Variants in PAH observed in about 807,000 individuals in gnomAD.
PAH encodes phenylalanine hydroxylase.
Under a neutral mutation model 62.0 loss-of-function variants are expected in PAH, and 64 were observed. The ratio of observed to expected loss-of-function variants is 1.03; its 90% CI spans 0.84 to 1.27. The LOEUF is 1.27. Among genes scored for constraint, PAH ranks in the 50% most tolerant of loss-of-function variants. The pLI is 0.00. For synonymous variants in PAH, 195 were observed against 196.2 expected (o/e 0.99, Z 0.05); for missense variants, 579 against 542.8 (o/e 1.07, Z -0.66).
intron 1 of PAH, among the ~76,000 whole-genome samples, chr12:102,956,633 C>G (rs1879920947): frequency 1.3e-5 from 2 of 152,166 alleles, no homozygotes; most frequent in South Asian, 4.1e-4. Flanking sequence ...CGCCCCGCAT[C>G]TTTCTTCTCC....
chr12:102,951,701 T>TCACGTC (rs1879767162), upstream of PAH, among the ~76,000 whole-genome samples: 1 of 152,118 alleles, frequency 6.6e-6, no homozygotes, highest in South Asian at 2.1e-4. Flanking sequence ...ATCCGGTCAC[T>TCACGTC]CACGTCCACG....
At chr12:102,903,463 C>T (rs1877848845) in intron 2 of PAH, among the ~76,000 whole-genome samples, 1 of 152,052 alleles carries the variant, frequency 6.6e-6, no homozygotes, top group Admixed American at 6.5e-5. Flanking sequence ...GCCACAACCT[C>T]TGTGATCATT....
chr12:102,848,470 G>A (rs112097627), intron 8 of PAH, among the ~76,000 whole-genome samples: 3 of 93,946 alleles, frequency 3.2e-5, no homozygotes, highest in Admixed American at 1.2e-4. Context: ...AGAGGTGGAG[G>A]GTAGACAGGA....
At chr12:102,865,035 C>G (rs1875895807) in intron 5 of PAH, among the ~76,000 whole-genome samples, 1 of 152,078 alleles carries the variant, frequency 6.6e-6, no homozygotes, top group Admixed American at 6.6e-5. Context: ...GAGAAATTGA[C>G]TAAAAAATTT....
intron 2 of PAH, among the ~76,000 whole-genome samples, chr12:102,911,332 C>T (rs1878195027): frequency 6.6e-6 from 1 of 152,210 alleles, no homozygotes; most frequent in Admixed American, 6.5e-5. Context: ...TTTCATTTTG[C>T]ACTGCGCCCT....
intron 3 of PAH, among the ~76,000 whole-genome samples, chr12:102,883,392 G>A (rs983522907): frequency 4.6e-5 from 7 of 152,184 alleles, no homozygotes; most frequent in African/African-American, 9.6e-5. Flanking sequence ...CTCAGCGAAC[G>A]CCAGAGGGCA....
chr12:102,845,635 G>A (rs1565843306), intron 9 of PAH, among the ~76,000 whole-genome samples: 2 of 152,172 alleles, frequency 1.3e-5, no homozygotes, highest in Non-Finnish European at 2.9e-5. Flanking sequence ...GACAGTCACA[G>A]TTTTGGAGAA....
intron 1 of PAH, among the ~76,000 whole-genome samples, chr12:102,929,047 A>T (rs555330449): frequency 3.7e-4 from 57 of 152,226 alleles, no homozygotes; most frequent in African/African-American, 1.4e-3. Flanking sequence ...GTTTTATAAA[A>T]GGCTTTTTTC....
chr12:102,897,492 T>TATATATATATATATATATAA (rs1379613102), intron 2 of PAH, among the ~76,000 whole-genome samples: 173 of 137,314 alleles, frequency 1.3e-3, no homozygotes, highest in African/African-American at 5.3e-3. Flanking sequence ...TATATATATA[T>TATATATATATATATATATAA]AATTCAAACT....
chr12:102,908,536 T>C (rs890364538), intron 2 of PAH, among the ~76,000 whole-genome samples: 5 of 152,210 alleles, frequency 3.3e-5, no homozygotes, highest in Admixed American at 6.5e-5. Context: ...CACTCAGACA[T>C]ACATTCTCCT....
rs1406208042 is a variant in PAH at position 102,885,859 on chromosome 12, A to G, written c.353-8309T>C. On this transcript the variant is annotated intron_variant, in intron 3 of 12. Coordinates refer to ENST00000553106, the MANE Select transcript of PAH (RefSeq NM_000277.3). ...GGCTTGCCTCCAGCCTGTCTCAGAGAGAGCAATAAATCCTGGTTTCTTGGG... is the reference window on the plus strand; with the variant it reads ...GGCTTGCCTCCAGCCTGTCTCAGAGGGAGCAATAAATCCTGGTTTCTTGGG... Among the ~76,000 whole-genome samples the G allele has an allele frequency of 2.0e-5, 3 of 152,170 alleles. No individual in the cohort carries two copies. The East Asian group carries it at 5.8e-4, about 29-fold the overall frequency.
At chr12:102,874,616 A>G (rs1876485364) in intron 4 of PAH, among the ~76,000 whole-genome samples, 1 of 152,244 alleles carries the variant, frequency 6.6e-6, no homozygotes, top group Admixed American at 6.5e-5. Flanking sequence ...CTCAAGAAGC[A>G]TTAGCTCCTA....
chr12:102,907,185 G>A (rs1400518471), intron 2 of PAH, among the ~76,000 whole-genome samples: 1 of 152,154 alleles, frequency 6.6e-6, no homozygotes, highest in Non-Finnish European at 1.5e-5. Context: ...GCATTTAAAT[G>A]CATTTTTCAA....
intron 2 of PAH, among the ~76,000 whole-genome samples, chr12:102,905,845 C>G (rs1184821070): frequency 6.7e-6 from 1 of 149,120 alleles, no homozygotes; most frequent in Non-Finnish European, 1.5e-5. Context: ...AAAAAAAATT[C>G]AAGAATAAAC....
upstream of PAH, among the ~76,000 whole-genome samples, chr12:102,951,256 C>A (rs1391582560): frequency 6.6e-6 from 1 of 152,154 alleles, no homozygotes; most frequent in Non-Finnish European, 1.5e-5. Context: ...AGCTGGGCAC[C>A]GCACGGGGGC....
chr12:102,899,858 CA>C (rs1166069532), intron 2 of PAH, among the ~76,000 whole-genome samples: 106 of 9,528 alleles, frequency 0.011, no homozygotes, highest in Middle Eastern at 0.062. Context: ...GACTCCGTCT[CA>C]AAAAAAAAAA....
chr12:102,900,970 A>G (rs549759673), intron 2 of PAH, among the ~76,000 whole-genome samples: 64 of 152,324 alleles, frequency 4.2e-4, no homozygotes, highest in Admixed American at 2.3e-3. Context: ...TGCATAAAAG[A>G]TGGCAGCATA....
intron 7 of PAH, among the ~76,000 whole-genome samples, chr12:102,852,439 T>C (rs1043491565): frequency 6.6e-6 from 1 of 152,152 alleles, no homozygotes; most frequent in African/African-American, 2.4e-5. Context: ...CAATACACAA[T>C]CTAGGCAAAG....
intron 2 of PAH, among the ~76,000 whole-genome samples, chr12:102,907,537 A>G (rs2136720335): frequency 6.6e-6 from 1 of 152,316 alleles, no homozygotes; most frequent in South Asian, 2.1e-4. Flanking sequence ...AGCTCATTGC[A>G]TAATGCGGTT....
Sources: allele counts gnomAD v4.1 joint callset (sites outside exome capture counted in the v4.1 genomes callset), GRCh38; gene constraint gnomAD v4.1.1; transcripts MANE v1.5; gene names NCBI Gene and HGNC (gene_info 2026-07-23, HGNC 2026-07-21).